The following DNM3 variants were observed in gnomAD, a reference collection of about 807,000 sequenced individuals.
DNM3 encodes the protein dynamin-3.
DNM3 carries 47 observed loss-of-function variants against 101.6 expected under a neutral mutation model. The ratio of observed to expected loss-of-function variants is 0.46; its 90% CI spans 0.37 to 0.59. DNM3 has a LOEUF of 0.59. DNM3 is among the 20% of genes least tolerant of loss of function. The pLI, the probability that DNM3 is intolerant of heterozygous loss-of-function variation, is 0.00. For missense variants in DNM3, 849 were observed against 1,085.7 expected, an observed-to-expected ratio of 0.78 and a Z score of 3.06; for synonymous variants, 385 against 387.9, an observed-to-expected ratio of 0.99 and a Z score of 0.09.
intron 14 of DNM3, among the ~76,000 whole-genome samples, chr1:172,202,883 T>C (rs1356771635): frequency 6.6e-6 from 1 of 152,200 alleles, no homozygotes; most frequent in Non-Finnish European, 1.5e-5. Flanking sequence ...ATCAGGGATA[T>C]CTGAAGTTAA....
At chr1:171,875,671 C>T (rs973571318) in intron 1 of DNM3, among the ~76,000 whole-genome samples, 4 of 151,832 alleles carry the variant, frequency 2.6e-5, no homozygotes, top group African/African-American at 9.7e-5. Flanking sequence ...TCCTCATCTG[C>T]GAAATTATAA....
chr1:172,284,846 C>T (rs990669181), intron 15 of DNM3, among the ~76,000 whole-genome samples: 5 of 151,974 alleles, frequency 3.3e-5, no homozygotes, highest in African/African-American at 1.2e-4. Flanking sequence ...ACAATAAATC[C>T]CACAAATAGA....
At chr1:171,960,415 T>C (rs541515285) in intron 2 of DNM3, among the ~76,000 whole-genome samples, 20 of 152,300 alleles carry the variant, frequency 1.3e-4, no homozygotes, top group Middle Eastern at 6.8e-3. Flanking sequence ...ATAACTAGTG[T>C]GTGATTAGGT....
At chr1:172,261,641 T>C (rs1160398875) in intron 15 of DNM3, among the ~76,000 whole-genome samples, 1 of 152,144 alleles carries the variant, frequency 6.6e-6, no homozygotes, top group Non-Finnish European at 1.5e-5. Context: ...GGGCAGTGGA[T>C]GTGGCATGGG....
Position 171,942,276 on chromosome 1 carries a change from T to C in DNM3, c.235+20455T>C, listed in dbSNP as rs115338784. On this transcript the variant is annotated intron_variant, in intron 2 of 20. Transcript: ENST00000627582. ...TTCTGCTTGGAGTCTGGACCTCAGT[T>C]ACTGCTCTCTGAGATACTGGCACAG... Among the ~76,000 whole-genome samples, 914 of 148,918 alleles carry C rather than the reference T, an allele frequency of 6.1e-3. 9 individuals are homozygous for C. The highest frequency in any genetic ancestry group is 0.021 in the African/African-American group (856 of 40,588).
chr1:172,307,319 C>T (rs1376997718), intron 15 of DNM3, among the ~76,000 whole-genome samples: 3 of 152,146 alleles, frequency 2.0e-5, no homozygotes, highest in Non-Finnish European at 2.9e-5. Context: ...TCAAAAACCA[C>T]GATGAGATAA....
chr1:171,863,700 A>G (rs1401648566), intron 1 of DNM3, among the ~76,000 whole-genome samples: 1 of 152,112 alleles, frequency 6.6e-6, no homozygotes, highest in Non-Finnish European at 1.5e-5. Context: ...CTGCTGAACG[A>G]CTAAGGTTCC....
chr1:171,998,267 C>T (rs2046134515), intron 4 of DNM3, among the ~76,000 whole-genome samples: 1 of 152,040 alleles, frequency 6.6e-6, no homozygotes, highest in African/African-American at 2.4e-5. Context: ...TATGGTGAAA[C>T]ACTGTTAAAG....
intron 11 of DNM3, among the ~76,000 whole-genome samples, chr1:172,073,514 T>A (rs1558525499): frequency 1.3e-5 from 2 of 152,078 alleles, no homozygotes; most frequent in Non-Finnish European, 2.9e-5. Flanking sequence ...TATTTGAGAG[T>A]AATAGTACAA....
chr1:172,200,384 A>C (rs1365666453), intron 14 of DNM3, among the ~76,000 whole-genome samples: 1 of 152,034 alleles, frequency 6.6e-6, no homozygotes, highest in African/African-American at 2.4e-5. Flanking sequence ...TTATGGCCTT[A>C]GGATAATCTT....
At chr1:172,318,260 A>G (rs1185032426) in intron 16 of DNM3, among the ~76,000 whole-genome samples, 14 of 152,262 alleles carry the variant, frequency 9.2e-5, no homozygotes, top group African/African-American at 3.1e-4. Context: ...GCTATCTATG[A>G]CAAACCCACA....
intron 17 of DNM3, among the ~76,000 whole-genome samples, chr1:172,327,492 T>C (rs761987284): frequency 6.6e-6 from 1 of 152,208 alleles, no homozygotes; most frequent in Non-Finnish European, 1.5e-5. Flanking sequence ...ATCCTCACAA[T>C]GTGAAAATGT....
chr1:172,034,401 T>C (rs2048820181), intron 6 of DNM3, among the ~76,000 whole-genome samples: 1 of 152,066 alleles, frequency 6.6e-6, no homozygotes, highest in African/African-American at 2.4e-5. Context: ...TTAACAGCTG[T>C]ATTTGCCTAC....
intron 17 of DNM3, among the ~76,000 whole-genome samples, chr1:172,324,951 C>T (rs2065880197): frequency 6.6e-6 from 1 of 152,132 alleles, no homozygotes; most frequent in South Asian, 2.1e-4. Flanking sequence ...TGCTAACTCT[C>T]AGACCACTCA....
chr1:172,291,320 CATGCTA>C (rs2063907366), intron 15 of DNM3, among the ~76,000 whole-genome samples: 1 of 152,044 alleles, frequency 6.6e-6, no homozygotes, highest in Non-Finnish European at 1.5e-5. Context: ...GCTTTTAAGG[CATGCTA>C]GTATACAATA....
At chr1:172,056,601 A>C (rs560090901) in intron 10 of DNM3, among the ~76,000 whole-genome samples, 5,739 of 152,178 alleles carry the variant, frequency 0.038, 114 homozygotes, top group Middle Eastern at 0.071. Context: ...CTCACACGGC[A>C]GGGTACTCCA....
intron 2 of DNM3, among the ~76,000 whole-genome samples, chr1:171,974,351 T>C (rs1339065473): frequency 6.6e-6 from 1 of 152,176 alleles, no homozygotes. Flanking sequence ...TTCTCATATA[T>C]TTTTCATGAC....
At chr1:172,134,936 G>A (rs1003770492) in intron 14 of DNM3, among the ~76,000 whole-genome samples, 15 of 152,152 alleles carry the variant, frequency 9.9e-5, no homozygotes, top group Non-Finnish European at 1.9e-4. Context: ...TATTAAGAAT[G>A]ATGAGAAGTT....
chr1:172,409,732 A>G lies in DNM3; in HGVS notation c.*1891A>G. On this transcript the variant is annotated 3_prime_UTR_variant, in exon 21 of 21. Transcript: ENST00000627582. ...AAATAATCTTCAGTGAGATCTTTTT[A>G]TAAAACTTCTTGTTTTTAGGATTCC... The G allele has an allele frequency of 1.0e-6, 1 of 980,982 alleles. No homozygotes were observed. The highest frequency in any genetic ancestry group is 1.2e-4 in the East Asian group (1 of 8,354). The allele number at this position is 980,982 out of a possible 1,614,324, so 60.8% of individuals were successfully genotyped here.
Sources: gnomAD v4.1 joint callset for allele counts (sites outside exome capture counted in the v4.1 genomes callset) on GRCh38, gnomAD v4.1.1 for gene constraint, MANE v1.5 for transcripts, NCBI Gene and HGNC (gene_info 2026-07-23, HGNC 2026-07-21) for gene names.